The following CDH18 variants were observed in gnomAD, a reference collection of about 807,000 sequenced individuals.
CDH18 encodes cadherin 18.
Under a neutral mutation model 67.9 loss-of-function variants are expected in CDH18, and 31 were observed. That is an observed-to-expected ratio of 0.46 (90% confidence interval 0.34 to 0.62). CDH18 has a LOEUF of 0.62. CDH18 is among the 20% of genes least tolerant of loss of function. The pLI is 0.01. For synonymous variants in CDH18, 362 were observed against 347.2 expected, an observed-to-expected ratio of 1.04 and a Z score of -0.48; for missense variants, 890 against 975.5, an observed-to-expected ratio of 0.91 and a Z score of 1.17.
intron 2 of CDH18, among the ~76,000 whole-genome samples, chr5:20,120,437 CTG>C (rs536368826): frequency 4.1e-4 from 63 of 152,176 alleles, no homozygotes; most frequent in Admixed American, 7.9e-4. Context: ...GATATATAAA[CTG>C]GGGCACAGCG....
chr5:19,623,973 G>T (rs1751097998), intron 5 of CDH18, among the ~76,000 whole-genome samples: 1 of 138,794 alleles, frequency 7.2e-6, no homozygotes, highest in Non-Finnish European at 1.6e-5. Context: ...AATGCATTAT[G>T]TCACACTCCA....
At chr5:19,769,683 T>C (rs1773508945) in intron 3 of CDH18, among the ~76,000 whole-genome samples, 1 of 152,014 alleles carries the variant, frequency 6.6e-6, no homozygotes, top group African/African-American at 2.4e-5. Flanking sequence ...CTTTACAACA[T>C]TAGAATAAGC....
At chr5:20,225,893 T>TA (rs1741587548) in intron 2 of CDH18, among the ~76,000 whole-genome samples, 1 of 152,020 alleles carries the variant, frequency 6.6e-6, no homozygotes, top group African/African-American at 2.4e-5. Flanking sequence ...GATATAGTAA[T>TA]AATGAATGTT....
At chr5:19,497,748 T>C (rs931733328) in intron 11 of CDH18, among the ~76,000 whole-genome samples, 1 of 152,214 alleles carries the variant, frequency 6.6e-6, no homozygotes, top group Non-Finnish European at 1.5e-5. Flanking sequence ...ACTGCTAAAG[T>C]ATTCTCTGGT....
chr5:19,984,185 G>T (rs1007027447), intron 1 of CDH18, among the ~76,000 whole-genome samples: 2 of 151,850 alleles, frequency 1.3e-5, no homozygotes, highest in Non-Finnish European at 2.9e-5. Context: ...GTGACTGTAT[G>T]CCTCTCTATG....
chr5:20,339,991 A>G (rs1740120559), intron 1 of CDH18, among the ~76,000 whole-genome samples: 1 of 152,230 alleles, frequency 6.6e-6, no homozygotes, highest in African/African-American at 2.4e-5. Context: ...CCCTTGGAGG[A>G]CTCTAAATGG....
chr5:20,424,683 G>T (rs1337850923), intron 1 of CDH18, among the ~76,000 whole-genome samples: 1 of 141,622 alleles, frequency 7.1e-6, no homozygotes, highest in African/African-American at 2.7e-5. Context: ...GGAGATGGAG[G>T]TTGCAGTGAG....
At chr5:20,429,953 T>C (rs1748607036) in intron 1 of CDH18, among the ~76,000 whole-genome samples, 1 of 152,166 alleles carries the variant, frequency 6.6e-6, no homozygotes, top group Non-Finnish European at 1.5e-5. Flanking sequence ...ATATTTTTGA[T>C]ACAAGTATTT....
intron 2 of CDH18, among the ~76,000 whole-genome samples, chr5:19,976,599 G>T (rs1021165107): frequency 6.6e-6 from 1 of 152,092 alleles, no homozygotes; most frequent in Non-Finnish European, 1.5e-5. Context: ...AAGGTAGATG[G>T]TCTCTGAAAA....
chr5:20,104,525 C>T (rs1400170967), intron 2 of CDH18, among the ~76,000 whole-genome samples: 3 of 152,174 alleles, frequency 2.0e-5, no homozygotes, highest in Non-Finnish European at 4.4e-5. Flanking sequence ...TCTCACCTCT[C>T]TCAGTGTAGA....
At chr5:19,869,497 G>T (rs1025228528) in intron 2 of CDH18, among the ~76,000 whole-genome samples, 1 of 151,582 alleles carries the variant, frequency 6.6e-6, no homozygotes, top group East Asian at 1.9e-4. Flanking sequence ...ACAATGAGTT[G>T]GTTTTTATTT....
At chr5:19,932,050 A>C (rs1793753382) in intron 2 of CDH18, among the ~76,000 whole-genome samples, 1 of 151,854 alleles carries the variant, frequency 6.6e-6, no homozygotes, top group Admixed American at 6.6e-5. Flanking sequence ...TAAGAAGTTA[A>C]ATTTATTGAA....
At chr5:20,292,745 G>A (rs1219952380) in intron 1 of CDH18, among the ~76,000 whole-genome samples, 1 of 151,980 alleles carries the variant, frequency 6.6e-6, no homozygotes, top group African/African-American at 2.4e-5. Flanking sequence ...GCGTCACTCT[G>A]TTCTCTGCCT....
chr5:19,527,039 C>G (rs907326434), intron 9 of CDH18, among the ~76,000 whole-genome samples: 1 of 151,886 alleles, frequency 6.6e-6, no homozygotes, highest in African/African-American at 2.4e-5. Flanking sequence ...AAATTTAGAA[C>G]TAAAATTACT....
chr5:20,334,773 C>G (rs892545905), intron 1 of CDH18, among the ~76,000 whole-genome samples: 1 of 151,682 alleles, frequency 6.6e-6, no homozygotes, highest in Admixed American at 6.6e-5. Flanking sequence ...CACACACACA[C>G]ACACACACAC....
chr5:19,784,728 A>C (rs1775513293), intron 3 of CDH18, among the ~76,000 whole-genome samples: 1 of 152,164 alleles, frequency 6.6e-6, no homozygotes, highest in Non-Finnish European at 1.5e-5. Flanking sequence ...GAGCTTGCAA[A>C]TATTCTTGGC....
chr5:19,508,622 T>C (rs1262570870), intron 10 of CDH18, among the ~76,000 whole-genome samples: 1 of 152,112 alleles, frequency 6.6e-6, no homozygotes, highest in Non-Finnish European at 1.5e-5. Flanking sequence ...GGGAGTATTT[T>C]TGATATCTAC....
At chr5:19,975,145 T>C (rs1163041580) in intron 2 of CDH18, among the ~76,000 whole-genome samples, 1 of 152,164 alleles carries the variant, frequency 6.6e-6, no homozygotes, top group African/African-American at 2.4e-5. Context: ...AAATATAACA[T>C]TAACTAAATC....
chr5:19,898,912 A>G (rs1443637677), intron 2 of CDH18, among the ~76,000 whole-genome samples: 4 of 152,194 alleles, frequency 2.6e-5, no homozygotes, highest in African/African-American at 9.6e-5. Flanking sequence ...TATATCTGTT[A>G]AGAGGCTCAT....
Sources: gnomAD v4.1 joint callset for allele counts (sites outside exome capture counted in the v4.1 genomes callset) on GRCh38, gnomAD v4.1.1 for gene constraint, MANE v1.5 for transcripts, NCBI Gene and HGNC (gene_info 2026-07-23, HGNC 2026-07-21) for gene names.